BANP: variants seen among roughly 807,000 people sequenced by gnomAD.
The protein encoded by BANP is BTG3 associated nuclear protein, also known as protein BANP.
BANP carries 11 observed loss-of-function variants against 68.1 expected under a neutral mutation model. That is an observed-to-expected ratio of 0.16 (90% CI 0.10 to 0.27). The LOEUF (loss-of-function observed/expected upper bound fraction) is 0.27. BANP is among the 10% of genes least tolerant of loss of function. BANP has a pLI of 1.00. For missense variants in BANP, 504 were observed against 722.7 expected, an observed-to-expected ratio of 0.70 and a Z score of 3.47; for synonymous variants, 329 against 303.2, an observed-to-expected ratio of 1.09 and a Z score of -0.88.
At chr16:87,999,251 C>CT (rs1256948747) in intron 4 of BANP, among the ~76,000 whole-genome samples, 2 of 140,314 alleles carry the variant, frequency 1.4e-5, no homozygotes, top group African/African-American at 5.3e-5. Flanking sequence ...CGCGGCTGTA[C>CT]TTACCTGTCC....
chr16:88,042,330 G>T lies in BANP; in HGVS notation c.1311+4319G>T, dbSNP rs183666140. On this transcript the variant is annotated intron_variant, in intron 11 of 13. Coordinates refer to ENST00000682872, the MANE Select transcript of BANP (RefSeq NM_001386991.1). ...GGGTGCGCAGGTGTGGGGACGCACT[G>T]GCTGCATGGTGCCAGCTTCCTCCTC... Among the ~76,000 whole-genome samples, 644 of 152,354 alleles carry T rather than the reference G, an allele frequency of 4.2e-3. 6 individuals are homozygous for T. Among genetic ancestry groups the T allele is most frequent in the Non-Finnish European group, 7.3e-3 (496 of 68,030 alleles).
chr16:88,038,230 A>C (rs1179721177), intron 11 of BANP, among the ~76,000 whole-genome samples: 1 of 152,170 alleles, frequency 6.6e-6, no homozygotes, highest in African/African-American at 2.4e-5. Context: ...GCGGATGGTC[A>C]GGTGAGTGCC....
In BANP at chr16:88,055,289, G is replaced by C. The variant is rs143587704; in HGVS notation, c.1312-9978G>C. Among the ~76,000 whole-genome samples the C allele has an allele frequency of 1.7e-3, 250 of 148,738 alleles. 4 individuals carry two copies. The East Asian group carries it at 0.031, about 18-fold the overall frequency. On this transcript the variant is annotated intron_variant, in intron 11 of 13. Transcript: ENST00000682872. ...ATCCATACACCCACCCACCCCCTCC[G>C]CACACACACCCCTGAATGATTGAAT...
At chr16:87,979,740 A>G (rs1244795757) in intron 2 of BANP, among the ~76,000 whole-genome samples, 1 of 152,170 alleles carries the variant, frequency 6.6e-6, no homozygotes, top group Non-Finnish European at 1.5e-5. Flanking sequence ...GCATGCTCAT[A>G]TGTATGCACG....
intron 4 of BANP, among the ~76,000 whole-genome samples, chr16:87,992,365 A>G (rs1047179069): frequency 3.3e-5 from 5 of 152,220 alleles, no homozygotes; most frequent in African/African-American, 9.6e-5. Flanking sequence ...GACCTCAGCA[A>G]CGGAGCTGGG....
chr16:87,971,727 G>T (rs1391759173), intron 1 of BANP, among the ~76,000 whole-genome samples: 1 of 151,864 alleles, frequency 6.6e-6, no homozygotes, highest in Non-Finnish European at 1.5e-5. Flanking sequence ...GTAGTTTCAA[G>T]CACCCTCCGT....
intron 11 of BANP, among the ~76,000 whole-genome samples, chr16:88,044,151 G>A (rs1229637701): frequency 6.6e-6 from 1 of 152,232 alleles, no homozygotes; most frequent in Non-Finnish European, 1.5e-5. Context: ...CCCTATAAAG[G>A]CCAACTCGCA....
Position 88,028,213 on chromosome 16 carries a change from A to G in BANP, c.1063+563A>G, listed in dbSNP as rs2077383870. On this transcript the variant is annotated intron_variant, in intron 8 of 13. Transcript: ENST00000682872. The stretch of plus-strand genomic sequence containing the variant: ...TCAAAATATTTTAGTAAGTATTTGA[A>G]TGAAAACTATTCTCTTAAAGCTCCC... Among the ~76,000 whole-genome samples, 4 of 152,238 alleles carry G rather than the reference A, an allele frequency of 2.6e-5. No homozygotes were observed. The South Asian group carries it at 6.2e-4, about 24-fold the overall frequency.
At chr16:88,015,006 C>T (rs62049278) in intron 6 of BANP, among the ~76,000 whole-genome samples, 1 of 151,572 alleles carries the variant, frequency 6.6e-6, no homozygotes, top group African/African-American at 2.4e-5. Flanking sequence ...CCTCTCTGCC[C>T]GTCCCTCTGC....
chr16:88,040,874 A>G (rs1567844909), intron 11 of BANP, among the ~76,000 whole-genome samples: 1 of 152,262 alleles, frequency 6.6e-6, no homozygotes, highest in Non-Finnish European at 1.5e-5. Flanking sequence ...TTAAGTTCCT[A>G]GATCACTGAG....
chr16:87,997,585 A>T (rs1159612936), intron 4 of BANP, among the ~76,000 whole-genome samples: 3 of 151,042 alleles, frequency 2.0e-5, no homozygotes, highest in African/African-American at 7.3e-5. Context: ...GTTCGTGGTA[A>T]AGTGGGTAAA....
At chr16:88,011,271 C>T (rs1024153593) in intron 6 of BANP, among the ~76,000 whole-genome samples, 3 of 152,160 alleles carry the variant, frequency 2.0e-5, no homozygotes, top group African/African-American at 7.2e-5. Context: ...AGGAGTTCAC[C>T]CAGGCTCCTC....
chr16:88,069,840 C>T (rs1460719638), intron 12 of BANP, among the ~76,000 whole-genome samples: 2 of 152,166 alleles, frequency 1.3e-5, no homozygotes, highest in Non-Finnish European at 2.9e-5. Context: ...TCCACTTATA[C>T]GTGCATTTTT....
intron 9 of BANP, 199 bp from the exon 10 acceptor site, chr16:88,035,124 C>T: frequency 3.4e-6 from 2 of 588,666 alleles, no homozygotes; most frequent in Admixed American, 3.0e-5. Flanking sequence ...TTCTTGAAAC[C>T]CTCATGGATG....
intron 4 of BANP, among the ~76,000 whole-genome samples, chr16:87,985,198 C>T (rs1328257511): frequency 2.6e-5 from 4 of 152,206 alleles, no homozygotes; most frequent in Non-Finnish European, 4.4e-5. Context: ...CTCCACATGA[C>T]GGCTGCTGTG....
intron 2 of BANP, among the ~76,000 whole-genome samples, chr16:87,977,643 T>C (rs2145895580): frequency 6.6e-6 from 1 of 152,364 alleles, no homozygotes; most frequent in East Asian, 1.9e-4. Context: ...AAATTTCCCA[T>C]AATTCTACTG....
intron 1 of BANP, among the ~76,000 whole-genome samples, chr16:87,967,789 A>T (rs1298185998): frequency 6.7e-6 from 1 of 149,814 alleles, no homozygotes; most frequent in African/African-American, 2.5e-5. Flanking sequence ...CGCCCTGCTA[A>T]TTTTTGTATT....
rs1335950502 is a variant in BANP, at chr16:88,018,313, G to A, written c.656-115G>A. On this transcript the variant is annotated intron_variant, in intron 6 of 13. Transcript: ENST00000682872. This position sits in a 1 kb window ranked among gnomAD's most constrained non-coding sequence, Gnocchi z 7.7. ...CTGCCTCACAAGTTACGAGGGATTT[G>A]CCCAGCCCTGCGTGGAGCATCTTTC... 6.7e-6 allele frequency: 9 copies of A among 1,333,930 alleles called. No individual in the cohort carries two copies. The highest frequency in any genetic ancestry group is 2.1e-5 in the Admixed American group (1 of 47,898). The allele number at this position is 1,333,930 out of a possible 1,614,324, so 82.6% of individuals were successfully genotyped here. A position where few individuals can be genotyped will look rare whatever the true frequency, so the allele number is the denominator to read the frequency against.
At chr16:87,980,766 A>T in intron 2 of BANP, 2 of 431,852 alleles carry the variant, frequency 4.6e-6, no homozygotes, top group South Asian at 5.1e-5. Context: ...CCCGCAGAGC[A>T]TGGAGTCAGA....
Sources: gnomAD v4.1 joint callset for allele counts (sites outside exome capture counted in the v4.1 genomes callset) on GRCh38, gnomAD v4.1.1 for gene constraint, Gnocchi (gnomAD v3.1) non-coding constraint, MANE v1.5 for transcripts, NCBI Gene and HGNC (gene_info 2026-07-23, HGNC 2026-07-21) for gene names.